ASTE1: variants seen among roughly 807,000 people sequenced by gnomAD.
ASTE1 encodes single-strand DNA endonuclease ASTE1.
In ASTE1, 49 loss-of-function variants were observed where a neutral mutation model predicts 45.8. The ratio of observed to expected loss-of-function variants is 1.07; its 90% CI spans 0.85 to 1.36. The LOEUF (loss-of-function observed/expected upper bound fraction) is 1.36. Ranked by LOEUF, ASTE1 falls within the 40% of genes most tolerant of loss-of-function variation. ASTE1 has a pLI of 0.00. For synonymous variants in ASTE1, 296 were observed against 303.9 expected, an observed-to-expected ratio of 0.97 and a Z score of 0.27; for missense variants, 709 against 804.0, an observed-to-expected ratio of 0.88 and a Z score of 1.43.
intron 4 of ASTE1, 137 bp downstream of exon 4, chr3:131,018,369 T>G (rs2063694049): frequency 2.5e-6 from 2 of 804,406 alleles, no homozygotes; most frequent in African/African-American, 1.7e-5. Context: ...AATGATATTT[T>G]GGTGCCTCCA....
At chr3:131,015,438 C>A (rs1309990910) in intron 5 of ASTE1, among the ~76,000 whole-genome samples, 1 of 152,166 alleles carries the variant, frequency 6.6e-6, no homozygotes, top group Non-Finnish European at 1.5e-5. Flanking sequence ...TGCTCCACAC[C>A]CTACTGCTGC....
chr3:131,014,112 C>T lies in ASTE1; in HGVS notation c.1985G>A (p.Gly662Glu). The T allele has an allele frequency of 6.2e-7, 1 of 1,610,136 alleles. No homozygotes were observed. Among genetic ancestry groups the T allele is most frequent in the Non-Finnish European group, 8.5e-7 (1 of 1,179,082 alleles). Residue 662 changes from glycine (G) to glutamate (E), a missense_variant, in exon 6 of 6, where the codon GGG becomes GAG. Physicochemically the swap from Gly to Glu is moderately conservative, Grantham distance 98. Transcript: ENST00000264992. ...KCWYEGNNRF[G>E]LLMVENLEEH... Reference sequence around the variant, plus strand: ...CTCTAAGTTTTCAACCATTAACAACCCAAACCGGTTGTTTCCCTCATACCA... The same window carrying T: ...CTCTAAGTTTTCAACCATTAACAACTCAAACCGGTTGTTTCCCTCATACCA...
intron 4 of ASTE1, 57 bp downstream of exon 4, chr3:131,018,449 G>A: frequency 6.6e-7 from 1 of 1,524,180 alleles, no homozygotes; most frequent in South Asian, 1.1e-5. Flanking sequence ...GTAAACTCGA[G>A]TAAACAGTTT....
Position 131,026,608 on chromosome 3 carries a change from A to C in ASTE1, c.-248T>G, listed in dbSNP as rs1399813001. On this transcript the variant is annotated 5_prime_UTR_variant, in exon 1 of 6. Coordinates refer to ENST00000264992, the MANE Select transcript of ASTE1 (RefSeq NM_014065.4). The stretch of plus-strand genomic sequence containing the variant: ...GTCCAATCTCAAGAGCGGGAATCGG[A>C]AGTCTCCCGGTGTGACGTCTCTGGG... 1 of 152,192 alleles carries C rather than the reference A, an allele frequency of 6.6e-6. No homozygotes were observed. The highest frequency in any genetic ancestry group is 2.4e-5 in the African/African-American group (1 of 41,412). 9.4% of individuals were successfully genotyped at this position (152,192 alleles called of 1,614,324 possible). A position where few individuals can be genotyped will look rare whatever the true frequency, so the allele number is the denominator to read the frequency against.
Position 131,014,405 on chromosome 3 carries a change from A to G in ASTE1, c.1710-18T>C. ...TGTACAGTCTGTTCAAAGCAAGAAAAAAGTATGTTGTTAAAGAAGTAATTC... is the reference window on the plus strand; with the variant it reads ...TGTACAGTCTGTTCAAAGCAAGAAAGAAGTATGTTGTTAAAGAAGTAATTC... On this transcript the variant is annotated intron_variant, in intron 5 of 5. Coordinates refer to ENST00000264992, the MANE Select transcript of ASTE1 (RefSeq NM_014065.4). 6.5e-7 allele frequency: 1 copy of G among 1,543,670 alleles called. No homozygotes were observed. The highest frequency in any genetic ancestry group is 8.7e-7 in the Non-Finnish European group (1 of 1,150,138).
intron 3 of ASTE1, among the ~76,000 whole-genome samples, chr3:131,018,993 C>CA (rs2063707177): frequency 1.3e-5 from 2 of 152,146 alleles, no homozygotes; most frequent in Admixed American, 1.3e-4. Context: ...ATCTTCAGTG[C>CA]ACGTCACCTG....
chr3:131,017,420 TG>T (rs1261002408), intron 4 of ASTE1, among the ~76,000 whole-genome samples: 3 of 152,246 alleles, frequency 2.0e-5, no homozygotes, highest in Admixed American at 2.0e-4. Context: ...TGTAACTACC[TG>T]ACACTTGAAG....
chr3:131,025,766 C>T (rs1482931822), intron 1 of ASTE1, among the ~76,000 whole-genome samples, 172 bp from the exon 2 acceptor site: 1 of 152,160 alleles, frequency 6.6e-6, no homozygotes, highest in African/African-American at 2.4e-5. Flanking sequence ...CTCATAATCA[C>T]AAAGCATTTG....
At chr3:131,020,182 A>G (rs1328331698) in intron 3 of ASTE1, among the ~76,000 whole-genome samples, 2 of 152,240 alleles carry the variant, frequency 1.3e-5, no homozygotes, top group Non-Finnish European at 2.9e-5. Flanking sequence ...GACCTTTTCT[A>G]CAGTCTGTCT....
chr3:131,022,558 A>G (rs912187738), intron 3 of ASTE1, among the ~76,000 whole-genome samples: 3 of 151,882 alleles, frequency 2.0e-5, no homozygotes, highest in Non-Finnish European at 2.9e-5. Flanking sequence ...ACTGGCCTCA[A>G]GTGATCCTCC....
In ASTE1 at chr3:131,024,243, G is replaced by A; in HGVS notation, c.1064C>T (p.Thr355Ile). 1.9e-6 allele frequency: 3 copies of A among 1,614,230 alleles called. No homozygotes were observed. The highest frequency in any genetic ancestry group is 1.7e-6 in the Non-Finnish European group (2 of 1,180,042). ...ALVLRRTILP[T>I]QVENMQQPNA... ...TGGTTGCTGCATGTTTTCCACCTGTGTGGGAAGAATGGTCCGTCTTAGGAC... is the reference window on the plus strand; with the variant it reads ...TGGTTGCTGCATGTTTTCCACCTGTATGGGAAGAATGGTCCGTCTTAGGAC... The change falls in exon 3 of 6, where the codon ACA becomes ATA. Residue 355 changes from threonine (T) to isoleucine (I), a missense_variant. Transcript: ENST00000264992.
rs373190698 is a variant in ASTE1, at chr3:131,024,269, C to A, written c.1038G>T (p.Leu346Phe). ...GQLSPFISDA[L>F]VLRRTILPTQ... ...TGGGAAGAATGGTCCGTCTTAGGACCAAAGCATCACTGATGAAAGGAGATA... is the reference window on the plus strand; with the variant it reads ...TGGGAAGAATGGTCCGTCTTAGGACAAAAGCATCACTGATGAAAGGAGATA... Residue 346 changes from leucine (L) to phenylalanine (F), a missense_variant, in exon 3 of 6, where the codon TTG becomes TTT. Transcript: ENST00000264992. 6.2e-7 allele frequency: 1 copy of A among 1,614,034 alleles called. No individual in the cohort carries two copies. The highest frequency in any genetic ancestry group is 8.5e-7 in the Non-Finnish European group (1 of 1,180,040).
intron 4 of ASTE1, among the ~76,000 whole-genome samples, chr3:131,017,442 G>A (rs1418127839): frequency 6.6e-6 from 1 of 152,218 alleles, no homozygotes. Flanking sequence ...TGTGGCTAGT[G>A]TGACTGAAAA....
intron 1 of ASTE1, chr3:131,026,179 A>C (rs1272740817): frequency 6.6e-6 from 1 of 152,202 alleles, no homozygotes; most frequent in Non-Finnish European, 1.5e-5. Flanking sequence ...AGATTGCATT[A>C]AAACTTACCT....
intron 3 of ASTE1, among the ~76,000 whole-genome samples, chr3:131,022,025 CTAAAGG>C (rs968378893): frequency 9.2e-5 from 14 of 152,272 alleles, no homozygotes; most frequent in African/African-American, 3.4e-4. Flanking sequence ...TGGAAATGTG[CTAAAGG>C]TAGATTGTCA....
chr3:131,016,974 TAAAA>T, intron 4 of ASTE1: 4 of 1,287,830 alleles, frequency 3.1e-6, no homozygotes, highest in Non-Finnish European at 4.0e-6. Context: ...TTGAAAATAA[TAAAA>T]AGGAGGCCCA....
intron 3 of ASTE1, among the ~76,000 whole-genome samples, chr3:131,021,796 CACTT>C (rs2063745673): frequency 6.6e-6 from 1 of 152,156 alleles, no homozygotes; most frequent in African/African-American, 2.4e-5. Context: ...TCAAAGTACA[CACTT>C]TATGTGCACT....
At chr3:131,015,864 C>T (rs182385594) in intron 5 of ASTE1, 2 of 503,064 alleles carry the variant, frequency 4.0e-6, no homozygotes, top group East Asian at 8.6e-5. Flanking sequence ...CAATGATTGC[C>T]TCCCCTCTCC....
intron 3 of ASTE1, among the ~76,000 whole-genome samples, chr3:131,021,189 G>A (rs1159812277): frequency 6.6e-6 from 1 of 152,102 alleles, no homozygotes; most frequent in East Asian, 1.9e-4. Flanking sequence ...TTCACAATAT[G>A]TTATTTGACA....
Sources: allele counts gnomAD v4.1 joint callset (sites outside exome capture counted in the v4.1 genomes callset), GRCh38; gene constraint gnomAD v4.1.1; transcripts MANE v1.5; gene names NCBI Gene and HGNC (gene_info 2026-07-23, HGNC 2026-07-21).